SREK1IP1: variants seen among roughly 807,000 people sequenced by gnomAD.
SREK1IP1 encodes the protein SREK1 interacting protein 1.
A neutral mutation model predicts 22.8 loss-of-function variants in SREK1IP1; 12 were observed. The observed-to-expected ratio is 0.53, with a 90% CI of 0.34 to 0.85. The LOEUF (loss-of-function observed/expected upper bound fraction) is 0.85, where lower values mean the gene tolerates loss of function less well. SREK1IP1 is among the 40% of genes least tolerant of loss of function. The pLI is 0.02. For missense variants in SREK1IP1, 147 were observed against 171.8 expected (o/e 0.86, Z 0.81); for synonymous variants, 53 against 52.7 (o/e 1.01, Z -0.02).
intron 2 of SREK1IP1, among the ~76,000 whole-genome samples, chr5:64,743,846 G>A (rs1047838346): frequency 6.6e-6 from 1 of 152,102 alleles, no homozygotes; most frequent in Non-Finnish European, 1.5e-5. Context: ...ATAGTAGGTA[G>A]CTAGTCAGGC....
chr5:64,752,037 G>A, intron 2 of SREK1IP1, among the ~76,000 whole-genome samples: 1 of 151,510 alleles, frequency 6.6e-6, no homozygotes, highest in South Asian at 2.1e-4. Flanking sequence ...TAATCCCAAG[G>A]CCTAGTGTCC....
chr5:64,761,700 G>A (rs1742954492), intron 1 of SREK1IP1, among the ~76,000 whole-genome samples: 1 of 152,228 alleles, frequency 6.6e-6, no homozygotes, highest in South Asian at 2.1e-4. Flanking sequence ...TGTGGTGCAT[G>A]ACTATACTTC....
chr5:64,768,174 G>A (rs191000919), intron 1 of SREK1IP1, among the ~76,000 whole-genome samples: 1 of 152,162 alleles, frequency 6.6e-6, no homozygotes, highest in African/African-American at 2.4e-5. Context: ...TTAGTTTTAA[G>A]CCATACCACA....
intron 2 of SREK1IP1, 127 bp downstream of exon 2, chr5:64,754,188 A>G (rs1742796734): frequency 2.5e-6 from 2 of 793,516 alleles, no homozygotes; most frequent in African/African-American, 3.5e-5. Flanking sequence ...CTGTAACTAG[A>G]TGTTAGCTTA....
At chr5:64,747,187 G>C (rs75982535) in intron 2 of SREK1IP1, among the ~76,000 whole-genome samples, 1 of 152,036 alleles carries the variant, frequency 6.6e-6, no homozygotes, top group South Asian at 2.1e-4. Flanking sequence ...TTAGATAGGC[G>C]TGATTGATTC....
chr5:64,745,811 T>A (rs1236373461), intron 2 of SREK1IP1, among the ~76,000 whole-genome samples: 3 of 150,840 alleles, frequency 2.0e-5, no homozygotes, highest in South Asian at 4.1e-4. Context: ...CAAATAAAGT[T>A]TCTTACTGAT....
chr5:64,746,565 G>A (rs144463232), intron 2 of SREK1IP1, among the ~76,000 whole-genome samples: 200 of 152,220 alleles, frequency 1.3e-3, no homozygotes, highest in African/African-American at 4.7e-3. Flanking sequence ...TACAAATGGT[G>A]AATAAGCACA....
intron 2 of SREK1IP1, among the ~76,000 whole-genome samples, chr5:64,752,699 A>G (rs1018057974): frequency 6.6e-6 from 1 of 152,168 alleles, no homozygotes; most frequent in African/African-American, 2.4e-5. Context: ...AAATACCCAT[A>G]TTTTTGGGAA....
chr5:64,743,924 A>G (rs1294628290), intron 2 of SREK1IP1, among the ~76,000 whole-genome samples: 2 of 152,190 alleles, frequency 1.3e-5, no homozygotes, highest in Admixed American at 1.3e-4. Context: ...GTGATGGTCC[A>G]GCAGCTGTCA....
chr5:64,740,967 A>C, intron 3 of SREK1IP1, 90 bp downstream of exon 3: 1 of 1,206,150 alleles, frequency 8.3e-7, no homozygotes, highest in Non-Finnish European at 1.2e-6. Context: ...AAACTATAAA[A>C]GAGATCTTAG....
intron 1 of SREK1IP1, among the ~76,000 whole-genome samples, chr5:64,768,205 C>T (rs1455598183): frequency 6.6e-6 from 1 of 152,112 alleles, no homozygotes; most frequent in African/African-American, 2.4e-5. Flanking sequence ...TTTTTCTCGG[C>T]CGCTTGCCCC....
chr5:64,763,259 C>A (rs1742981943), intron 1 of SREK1IP1, among the ~76,000 whole-genome samples: 1 of 152,064 alleles, frequency 6.6e-6, no homozygotes, highest in Non-Finnish European at 1.5e-5. Context: ...GACAGAGAGG[C>A]TGGGCGCGGT....
intron 1 of SREK1IP1, among the ~76,000 whole-genome samples, chr5:64,755,770 TC>T (rs1742828016): frequency 6.6e-6 from 1 of 152,012 alleles, no homozygotes. Context: ...TTCCAAGAAT[TC>T]TATAGCATTG....
intron 4 of SREK1IP1, among the ~76,000 whole-genome samples, chr5:64,727,453 C>G (rs747776429): frequency 1.1e-5 from 1 of 88,962 alleles, no homozygotes; most frequent in Non-Finnish European, 2.1e-5. Context: ...TCATCAGCCA[C>G]CATATATATA....
intron 2 of SREK1IP1, among the ~76,000 whole-genome samples, chr5:64,749,524 C>T (rs1336524070): frequency 6.6e-6 from 1 of 152,060 alleles, no homozygotes; most frequent in Non-Finnish European, 1.5e-5. Context: ...ACAACCTCTG[C>T]ATCCTGGGCT....
chr5:64,765,986 A>C (rs1743026919), intron 1 of SREK1IP1, among the ~76,000 whole-genome samples: 1 of 152,228 alleles, frequency 6.6e-6, no homozygotes, highest in African/African-American at 2.4e-5. Context: ...GACTCGGCCT[A>C]TCAGGATGCC....
intron 1 of SREK1IP1, among the ~76,000 whole-genome samples, chr5:64,765,946 C>A (rs1743026075): frequency 6.6e-6 from 1 of 152,192 alleles, no homozygotes. Context: ...ACTTTGGGTG[C>A]AGCTGTGTGG....
intron 2 of SREK1IP1, among the ~76,000 whole-genome samples, chr5:64,749,098 AATAATAAT>A (rs1483840751): frequency 9.6e-5 from 14 of 146,014 alleles, no homozygotes; most frequent in East Asian, 3.9e-4. Context: ...TAATAATAAT[AATAATAAT>A]AAAAACCCTC....
chr5:64,768,019 A>G (rs1743081728), intron 1 of SREK1IP1, among the ~76,000 whole-genome samples: 1 of 152,314 alleles, frequency 6.6e-6, no homozygotes, highest in African/African-American at 2.4e-5. Flanking sequence ...CAGAAGCACA[A>G]AGCGACCAAT....
Sources: gnomAD v4.1 joint callset for allele counts (sites outside exome capture counted in the v4.1 genomes callset) on GRCh38, gnomAD v4.1.1 for gene constraint, MANE v1.5 for transcripts, NCBI Gene and HGNC (gene_info 2026-07-23, HGNC 2026-07-21) for gene names.